The following TUBA4B variants were observed in gnomAD, a reference collection of about 807,000 sequenced individuals.
TUBA4B encodes the protein tubulin-like protein alpha-4B.
Under a neutral mutation model 18.4 loss-of-function variants are expected in TUBA4B, and 13 were observed. The observed-to-expected ratio is 0.71, with a 90% CI of 0.46 to 1.12. TUBA4B has a LOEUF of 1.12. Ranked by LOEUF, TUBA4B falls within the 50% of genes most tolerant of loss-of-function variation. TUBA4B has a pLI of 0.00. For synonymous variants in TUBA4B, 101 were observed against 99.1 expected (o/e 1.02, Z -0.11); for missense variants, 244 against 250.0 (o/e 0.98, Z 0.16).
Position 219,271,326 on chromosome 2 carries a change from C to T in TUBA4B, c.353C>T (p.Thr118Ile), listed in dbSNP as rs775894115. The change falls in exon 4 of 4, where the codon ACA becomes ATA. Residue 118 changes from threonine (T) to isoleucine (I), a missense_variant. Coordinates refer to ENST00000490341, the MANE Select transcript of TUBA4B (RefSeq NM_001355221.1). ...ATCTACCCAGCCCCCCAGGTGTCTA[C>T]AGCCATGGTCCAGCCCTACAACTCT... ...FSIYPAPQVS[T>I]AMVQPYNSIL... The T allele has an allele frequency of 4.3e-6, 7 of 1,609,736 alleles. No homozygotes were observed. The Admixed American group carries it at 1.2e-4, about 27-fold the overall frequency.
intron 1 of TUBA4B, among the ~76,000 whole-genome samples, chr2:219,263,999 A>C (rs1157734407): frequency 6.6e-6 from 1 of 152,236 alleles, no homozygotes; most frequent in Admixed American, 6.5e-5. Flanking sequence ...TATCTGGAAG[A>C]GGGACTGAAC....
At chr2:219,266,629 A>T (rs1200166184) in intron 2 of TUBA4B, 63 bp downstream of exon 2, 8 of 699,628 alleles carry the variant, frequency 1.1e-5, no homozygotes, top group Non-Finnish European at 1.8e-5. Flanking sequence ...GGCCCAAGAT[A>T]TCTGGCGTGA....
In TUBA4B at chr2:219,257,043, C is replaced by CTTTTTT. The variant is rs368841707; in HGVS notation, c.12+3639_12+3644dup. Among the ~76,000 whole-genome samples the CTTTTTT allele has an allele frequency of 4.0e-3, 426 of 107,570 alleles. 10 individuals carry two copies. Among genetic ancestry groups the CTTTTTT allele is most frequent in the African/African-American group, 0.015 (405 of 27,842 alleles). 70.6% of individuals were successfully genotyped at this position (107,570 alleles called of 152,430 possible). On this transcript the variant is annotated intron_variant, in intron 1 of 3. Transcript: ENST00000490341. ...TTCAGTTCTGTAAGACCCATTTTGG[C>CTTTTTT]TTTTTTTTTTTTTTTTTTTTAAGAT...
Position 219,271,320 on chromosome 2 carries a change from T to C in TUBA4B, c.347T>C (p.Val116Ala), listed in dbSNP as rs2125078292. 1.9e-6 allele frequency: 3 copies of C among 1,603,976 alleles called. No homozygotes were observed. The highest frequency in any genetic ancestry group is 4.5e-5 in the East Asian group (2 of 44,816). The change falls in exon 4 of 4, where the codon GTG (valine) becomes GCG (alanine). Residue 116 changes from valine to alanine, a missense_variant. Val to Ala is a moderately conservative substitution (Grantham distance 64). Coordinates refer to ENST00000490341, the MANE Select transcript of TUBA4B (RefSeq NM_001355221.1). ...LGFSIYPAPQ[V>A]STAMVQPYNS... ...TTCTCCATCTACCCAGCCCCCCAGG[T>C]GTCTACAGCCATGGTCCAGCCCTAC...
chr2:219,264,096 T>C (rs1167298192), intron 1 of TUBA4B, among the ~76,000 whole-genome samples: 2 of 152,210 alleles, frequency 1.3e-5, no homozygotes, highest in Non-Finnish European at 2.9e-5. Context: ...GAACCTTATG[T>C]ACTGTTTTTT....
intron 2 of TUBA4B, among the ~76,000 whole-genome samples, chr2:219,268,292 A>T (rs1322009620): frequency 4.0e-5 from 6 of 151,802 alleles, no homozygotes; most frequent in African/African-American, 1.5e-4. Context: ...AGGGGGTTTC[A>T]CCATGTTGGT....
intron 1 of TUBA4B, among the ~76,000 whole-genome samples, chr2:219,263,500 G>C (rs1481137105): frequency 6.6e-6 from 1 of 152,192 alleles, no homozygotes; most frequent in Non-Finnish European, 1.5e-5. Context: ...ACTGCCATTA[G>C]GATAGTTTTC....
chr2:219,261,695 T>C (rs1951760134), intron 1 of TUBA4B, among the ~76,000 whole-genome samples: 1 of 152,344 alleles, frequency 6.6e-6, no homozygotes, highest in East Asian at 1.9e-4. Context: ...CAGCAGCCTC[T>C]GAACCAGCTT....
chr2:219,255,877 A>G (rs1016471232), intron 1 of TUBA4B, among the ~76,000 whole-genome samples: 1 of 152,216 alleles, frequency 6.6e-6, no homozygotes, highest in African/African-American at 2.4e-5. Context: ...CAAAATAGGC[A>G]AGGCATGGAA....
chr2:219,267,088 AAGG>A (rs1401369543), intron 2 of TUBA4B, among the ~76,000 whole-genome samples: 1 of 152,124 alleles, frequency 6.6e-6, no homozygotes, highest in Non-Finnish European at 1.5e-5. Context: ...TGGGGAGAAG[AAGG>A]AGGAGGGAAA....
chr2:219,266,405 T>C, intron 1 of TUBA4B, 116 bp from the exon 2 acceptor site: 1 of 624,110 alleles, frequency 1.6e-6, no homozygotes, highest in South Asian at 1.8e-5. Context: ...GGCCCTGCCC[T>C]CCCAGGCCGT....
At chr2:219,267,778 T>C (rs1951799529) in intron 2 of TUBA4B, among the ~76,000 whole-genome samples, 1 of 152,184 alleles carries the variant, frequency 6.6e-6, no homozygotes, top group Non-Finnish European at 1.5e-5. Flanking sequence ...TTGGCCAGGA[T>C]GGTCTCAATC....
intron 1 of TUBA4B, chr2:219,253,961 CG>C: frequency 1.8e-6 from 2 of 1,082,588 alleles, no homozygotes; most frequent in Non-Finnish European, 2.4e-6. Context: ...GGGGGGGGGG[CG>C]GGGCCCGCGT....
chr2:219,265,094 A>G (rs933056132), intron 1 of TUBA4B, among the ~76,000 whole-genome samples: 3 of 152,182 alleles, frequency 2.0e-5, no homozygotes, highest in Non-Finnish European at 4.4e-5. Flanking sequence ...ATGGAACTGA[A>G]GACTGGGAGG....
chr2:219,254,482 C>G (rs1574888236), intron 1 of TUBA4B: 1 of 152,288 alleles, frequency 6.6e-6, no homozygotes, highest in African/African-American at 2.4e-5. Flanking sequence ...AACTGCACAG[C>G]CTGAGCCCCA....
Position 219,265,817 on chromosome 2 carries a change from C to T in TUBA4B, c.13-704C>T, listed in dbSNP as rs1047313928. Among the ~76,000 whole-genome samples the T allele has an allele frequency of 6.0e-4, 92 of 152,210 alleles. 1 individual carries two copies. The highest frequency in any genetic ancestry group is 2.1e-3 in the African/African-American group (88 of 41,450). On this transcript the variant is annotated intron_variant, in intron 1 of 3. Coordinates refer to ENST00000490341, the MANE Select transcript of TUBA4B (RefSeq NM_001355221.1). Reference sequence around the variant, plus strand: ...ATTTAGGAAGTGCCTTGAGGCCCTGCTCATCCTCTTGCTTTGCCCTTGGAG... The same window carrying T: ...ATTTAGGAAGTGCCTTGAGGCCCTGTTCATCCTCTTGCTTTGCCCTTGGAG...
chr2:219,270,291 G>T lies in TUBA4B; in HGVS notation c.148G>T (p.Gly50Trp). The change falls in exon 3 of 4, where the codon GGG becomes TGG. Residue 50 changes from glycine (G) to tryptophan (W), a missense_variant. Transcript: ENST00000490341. The part of the protein sequence containing the change: ...NNYAWGHYTI[G>W]KEFIDLLLDR... ...CTATGCCTGGGGCCACTACACCATT[G>T]GGAAGGAGTTCATCGACCTGCTACT... 1.3e-6 allele frequency: 1 copy of T among 763,226 alleles called. No homozygotes were observed. Among genetic ancestry groups the T allele is most frequent in the East Asian group, 2.4e-5 (1 of 40,870 alleles). The allele number at this position is 763,226 out of a possible 1,614,324, so 47.3% of individuals were successfully genotyped here. A position where few individuals can be genotyped will look rare whatever the true frequency, so the allele number is the denominator to read the frequency against.
At position 219,264,093 on chromosome 2, in the gene TUBA4B, ATGTAC is replaced by A. The variant is rs1445210766; in HGVS notation, c.13-2424_13-2420del. Among the ~76,000 whole-genome samples the A allele has an allele frequency of 1.4e-4, 21 of 152,318 alleles. 2 individuals carry two copies. The highest frequency in any genetic ancestry group is 5.1e-4 in the African/African-American group (21 of 41,570). ...GAAATGGCGGATAGTACTGAACCTT[ATGTAC>A]TGTTTTTTCCTATACATGCATACAT... On this transcript the variant is annotated intron_variant, in intron 1 of 3. Transcript: ENST00000490341.
intron 1 of TUBA4B, among the ~76,000 whole-genome samples, chr2:219,260,100 C>T (rs1222018829): frequency 6.6e-6 from 1 of 152,006 alleles, no homozygotes; most frequent in Non-Finnish European, 1.5e-5. Flanking sequence ...GATGACAGCA[C>T]CGGCTTCTAG....
Sources: allele counts gnomAD v4.1 joint callset (sites outside exome capture counted in the v4.1 genomes callset), GRCh38; gene constraint gnomAD v4.1.1; transcripts MANE v1.5; gene names NCBI Gene and HGNC (gene_info 2026-07-23, HGNC 2026-07-21).